Variants in GRM1 observed in about 807,000 individuals in gnomAD.
GRM1 encodes glutamate metabotropic receptor 1.
Under a neutral mutation model 90.9 loss-of-function variants are expected in GRM1, and 33 were observed. That is an observed-to-expected ratio of 0.36 (90% confidence interval 0.28 to 0.49). The LOEUF is 0.49. Ranked by LOEUF, GRM1 falls within the 20% of genes least tolerant of loss-of-function variation. The pLI, the probability that GRM1 is intolerant of heterozygous loss-of-function variation, is 0.99. For synonymous variants in GRM1, 700 were observed against 613.2 expected, an observed-to-expected ratio of 1.14 and a Z score of -2.09; for missense variants, 1,190 against 1,534.3, an observed-to-expected ratio of 0.78 and a Z score of 3.75.
At position 146,374,264 on chromosome 6, in the gene GRM1, T is replaced by A. The variant is rs185275239; in HGVS notation, c.1603-12626T>A. Among the ~76,000 whole-genome samples the A allele has an allele frequency of 6.9e-3, 1,047 of 152,256 alleles. 9 individuals carry two copies. The highest frequency in any genetic ancestry group is 0.034 in the Middle Eastern group (10 of 294). On this transcript the variant is annotated intron_variant, in intron 5 of 7. Transcript: ENST00000282753. Reference sequence around the variant, plus strand: ...CTTTTTAATGTATTGTTGAATTCTGTTTGCTACTATTTTGTCGAGGATTTT... The same window carrying A: ...CTTTTTAATGTATTGTTGAATTCTGATTGCTACTATTTTGTCGAGGATTTT...
At chr6:146,049,237 C>G (rs114670930) in intron 1 of GRM1, among the ~76,000 whole-genome samples, 1 of 151,856 alleles carries the variant, frequency 6.6e-6, no homozygotes, top group Non-Finnish European at 1.5e-5. Flanking sequence ...TTAAGGGACA[C>G]CCGGATAGCT....
chr6:146,108,669 C>T lies in GRM1; in HGVS notation c.701-50679C>T, dbSNP rs144001010. Among the ~76,000 whole-genome samples, 59 of 152,256 alleles carry T rather than the reference C, an allele frequency of 3.9e-4. No individual in the cohort carries two copies. In the East Asian group the frequency reaches 5.6e-3, roughly 14 times the overall value. ...GAAAAGGTACTCAAAAATGTGGAAG[C>T]GATTTTGGAACTGGGTAACAGGCAA... is the stretch of plus-strand genomic sequence containing the variant. On this transcript the variant is annotated intron_variant, in intron 1 of 7. Transcript: ENST00000282753.
At chr6:146,082,578 A>G (rs930678040) in intron 1 of GRM1, among the ~76,000 whole-genome samples, 2 of 152,104 alleles carry the variant, frequency 1.3e-5, no homozygotes, top group African/African-American at 2.4e-5. Flanking sequence ...CTCTTCCCAT[A>G]TCCAATCAAT....
chr6:146,109,233 A>G (rs779387624), intron 1 of GRM1, among the ~76,000 whole-genome samples: 2 of 152,106 alleles, frequency 1.3e-5, no homozygotes, highest in African/African-American at 4.8e-5. Context: ...ACAGTTCCAG[A>G]TGCTTAGAAG....
chr6:146,353,564 C>T (rs1381984664), intron 4 of GRM1, among the ~76,000 whole-genome samples: 1 of 152,186 alleles, frequency 6.6e-6, no homozygotes, highest in African/African-American at 2.4e-5. Flanking sequence ...CACTCTGAGG[C>T]TTCTAATCTT....
intron 5 of GRM1, among the ~76,000 whole-genome samples, chr6:146,368,241 A>G (rs1372251193): frequency 1.0e-5 from 1 of 96,444 alleles, no homozygotes; most frequent in Non-Finnish European, 1.9e-5. Context: ...TTCATTTATC[A>G]TTTTCTACAG....
intron 1 of GRM1, among the ~76,000 whole-genome samples, chr6:146,132,732 T>G (rs973501074): frequency 6.6e-6 from 1 of 152,218 alleles, no homozygotes; most frequent in Non-Finnish European, 1.5e-5. Flanking sequence ...TTTTTTTCCC[T>G]GGGGAAGTCT....
chr6:146,179,143 A>G (rs1044535876), intron 2 of GRM1, among the ~76,000 whole-genome samples: 2 of 152,186 alleles, frequency 1.3e-5, no homozygotes, highest in Admixed American at 1.3e-4. Context: ...AGAAAAGGGT[A>G]TATTGAAGAA....
At chr6:146,050,342 C>T (rs1791481326) in intron 1 of GRM1, among the ~76,000 whole-genome samples, 1 of 152,080 alleles carries the variant, frequency 6.6e-6, no homozygotes, top group Non-Finnish European at 1.5e-5. Flanking sequence ...TACTCTAAAG[C>T]TTGCTCCTGT....
chr6:146,328,704 GTC>G (rs1784482848), intron 3 of GRM1, among the ~76,000 whole-genome samples: 1 of 151,944 alleles, frequency 6.6e-6, no homozygotes, highest in Non-Finnish European at 1.5e-5. Context: ...TGTGATATTT[GTC>G]ATAAGGTTCC....
intron 3 of GRM1, among the ~76,000 whole-genome samples, chr6:146,350,967 T>C (rs362871): frequency 0.59 from 89,101 of 152,000 alleles, 26,218 homozygotes; most frequent in South Asian, 0.67. Flanking sequence ...TATAAGGATA[T>C]CCTTTTCAAA....
At position 146,162,355 on chromosome 6, in the gene GRM1, G is replaced by A. The variant is rs1054034681; in HGVS notation, c.950+2758G>A. Among the ~76,000 whole-genome samples, 13 of 152,052 alleles carry A rather than the reference G, an allele frequency of 8.5e-5. 1 individual carries two copies. The highest frequency in any genetic ancestry group is 9.7e-5 in the African/African-American group (4 of 41,406). ...TTTAAATGAAGACCTACATGCCCTC[G>A]TCTCCATGTCTGTTACTTTCTCTCA... On this transcript the variant is annotated intron_variant, in intron 2 of 7. Transcript: ENST00000282753.
chr6:146,099,254 G>A (rs1366552504), intron 1 of GRM1, among the ~76,000 whole-genome samples: 2 of 152,072 alleles, frequency 1.3e-5, no homozygotes, highest in Non-Finnish European at 2.9e-5. Context: ...AGGTGTGGTG[G>A]TGTGCACCTG....
chr6:146,303,632 G>A (rs886155733), intron 2 of GRM1, among the ~76,000 whole-genome samples: 3 of 152,102 alleles, frequency 2.0e-5, no homozygotes, highest in Non-Finnish European at 4.4e-5. Context: ...GGAGTCTAAT[G>A]TGACAATTAG....
intron 1 of GRM1, among the ~76,000 whole-genome samples, chr6:146,137,300 T>C (rs895063188): frequency 2.6e-5 from 4 of 152,186 alleles, no homozygotes; most frequent in African/African-American, 9.7e-5. Flanking sequence ...TAATTTGAGG[T>C]CTTAGATTTA....
At chr6:146,415,964 T>C (rs139245797) in intron 7 of GRM1, among the ~76,000 whole-genome samples, 2,799 of 152,322 alleles carry the variant, frequency 0.018, 36 homozygotes, top group South Asian at 0.029. Context: ...CTATATAGAC[T>C]ACTAGAAACA....
chr6:146,064,960 T>G (rs2128855931), intron 1 of GRM1, among the ~76,000 whole-genome samples: 1 of 152,194 alleles, frequency 6.6e-6, no homozygotes, highest in East Asian at 1.9e-4. Flanking sequence ...CTGTTTTACC[T>G]TATTGAAGAT....
chr6:146,253,323 G>T (rs1203868777), intron 2 of GRM1, among the ~76,000 whole-genome samples: 2 of 152,192 alleles, frequency 1.3e-5, no homozygotes, highest in Non-Finnish European at 2.9e-5. Flanking sequence ...GACAGGGATG[G>T]TAACAAAAGA....
intron 1 of GRM1, among the ~76,000 whole-genome samples, chr6:146,034,395 A>G (rs573816310): frequency 1.3e-5 from 2 of 151,940 alleles, no homozygotes; most frequent in African/African-American, 4.8e-5. Flanking sequence ...ACTAGAGTAG[A>G]TCTTACATCA....
Sources: gnomAD v4.1 joint callset for allele counts (sites outside exome capture counted in the v4.1 genomes callset) on GRCh38, gnomAD v4.1.1 for gene constraint, MANE v1.5 for transcripts, NCBI Gene and HGNC (gene_info 2026-07-23, HGNC 2026-07-21) for gene names.